CHLSN: variants seen among roughly 807,000 people sequenced by gnomAD.
The protein encoded by CHLSN is protein cholesin.
chr7:1,058,589 C>A, the CHLSN span: 2 of 669,616 alleles, frequency 3.0e-6, no homozygotes, highest in African/African-American at 1.8e-5. Context: ...ACGCTCCCCA[C>A]ATCCTTCCAG....
At chr7:1,134,705 A>G in the CHLSN span, among the ~76,000 whole-genome samples, 1 of 150,808 alleles carries the variant, frequency 6.6e-6, no homozygotes, top group Non-Finnish European at 1.5e-5. Flanking sequence ...CGTCTCTACT[A>G]AAAAATACAA....
At chr7:991,213 G>C in the CHLSN span, among the ~76,000 whole-genome samples, 4 of 152,092 alleles carry the variant, frequency 2.6e-5, no homozygotes, top group African/African-American at 7.2e-5. Context: ...AGTGACGGCT[G>C]AGCTTCCCCT....
At chr7:1,078,731 G>C in the CHLSN span, among the ~76,000 whole-genome samples, 4 of 152,236 alleles carry the variant, frequency 2.6e-5, no homozygotes, top group African/African-American at 7.2e-5. Context: ...AGAACTCATA[G>C]CCAGGCCATG....
the CHLSN span, among the ~76,000 whole-genome samples, chr7:1,079,522 T>TAAAATGATA: frequency 1.3e-3 from 197 of 152,290 alleles, no homozygotes; most frequent in African/African-American, 4.5e-3. Context: ...TATAACTACT[T>TAAAATGATA]ATCCATTAAA....
chr7:1,073,330 C>T, the CHLSN span, among the ~76,000 whole-genome samples: 1 of 152,138 alleles, frequency 6.6e-6, no homozygotes, highest in Non-Finnish European at 1.5e-5. Context: ...ACCTCCTCAC[C>T]GCATTCCACT....
the CHLSN span, among the ~76,000 whole-genome samples, chr7:1,007,547 G>A: frequency 1.3e-5 from 2 of 152,248 alleles, no homozygotes; most frequent in African/African-American, 2.4e-5. Flanking sequence ...GATGCGGCTG[G>A]GCTTGCGGGC....
the CHLSN span, among the ~76,000 whole-genome samples, chr7:1,017,134 C>G: frequency 8.5e-5 from 13 of 152,252 alleles, no homozygotes; most frequent in African/African-American, 2.7e-4. Context: ...GGGCCCAGAG[C>G]ACCTCAGGCT....
the CHLSN span, among the ~76,000 whole-genome samples, chr7:1,016,244 C>G: frequency 1.3e-5 from 1 of 74,604 alleles, no homozygotes; most frequent in Non-Finnish European, 2.4e-5. Context: ...CAGCAGCACA[C>G]AGCAGCGCAC....
the CHLSN span, chr7:1,093,807 C>T: frequency 2.0e-5 from 8 of 394,552 alleles, no homozygotes; most frequent in South Asian, 1.9e-5. Context: ...CTGTCATGTG[C>T]GGATCCTTCC....
chr7:1,131,177 T>C, the CHLSN span, among the ~76,000 whole-genome samples: 5 of 101,036 alleles, frequency 4.9e-5, no homozygotes, highest in African/African-American at 2.0e-4. Context: ...GGCAAAAGAA[T>C]GAGACCTTGT....
At chr7:1,010,202 C>T in the CHLSN span, 1 of 1,488,046 alleles carries the variant, frequency 6.7e-7, no homozygotes, top group South Asian at 1.3e-5. Flanking sequence ...GACGGGTGCG[C>T]TGCCTGGGGC....
the CHLSN span, among the ~76,000 whole-genome samples, chr7:1,057,267 C>G: frequency 3.9e-5 from 6 of 152,186 alleles, no homozygotes; most frequent in Non-Finnish European, 8.8e-5. Context: ...GGTCCCCAAC[C>G]CCAGCCGCTG....
At chr7:1,012,680 A>C in the CHLSN span, among the ~76,000 whole-genome samples, 1 of 152,152 alleles carries the variant, frequency 6.6e-6, no homozygotes, top group Non-Finnish European at 1.5e-5. Flanking sequence ...TGCACCTTTA[A>C]CTTTTCCAAA....
At chr7:983,343 G>C in the CHLSN span, 1 of 1,537,988 alleles carries the variant, frequency 6.5e-7, no homozygotes, top group South Asian at 1.2e-5. Context: ...TCGGGAACCT[G>C]CACTTGCTGC....
chr7:1,119,864 C>T, the CHLSN span, among the ~76,000 whole-genome samples: 54 of 128,940 alleles, frequency 4.2e-4, no homozygotes, highest in African/African-American at 1.7e-3. Flanking sequence ...GCAACAAGAG[C>T]GAAACTCCGT....
the CHLSN span, chr7:1,057,587 G>C: frequency 1.3e-6 from 1 of 771,916 alleles, no homozygotes; most frequent in African/African-American, 1.7e-5. Flanking sequence ...ACCTGCAGCT[G>C]GGGCTGTCAC....
the CHLSN span, chr7:1,029,132 CTTGT>C: frequency 1.3e-5 from 2 of 152,086 alleles, no homozygotes; most frequent in East Asian, 1.9e-4. Context: ...AGTTTTTTTG[CTTGT>C]TTGTTTTTGG....
At chr7:1,026,501 G>C in the CHLSN span, 1 of 152,228 alleles carries the variant, frequency 6.6e-6, no homozygotes, top group African/African-American at 2.4e-5. Context: ...AGTCGGAGGC[G>C]GCGTTGTTTC....
At chr7:993,977 G>A in the CHLSN span, among the ~76,000 whole-genome samples, 2 of 152,030 alleles carry the variant, frequency 1.3e-5, no homozygotes, top group South Asian at 2.1e-4. Context: ...GACGGTTTCC[G>A]GAAGCCGCAC....
Sources: allele counts gnomAD v4.1 joint callset (sites outside exome capture counted in the v4.1 genomes callset), GRCh38; gene constraint gnomAD v4.1.1; transcripts MANE v1.5; gene names NCBI Gene and HGNC (gene_info 2026-07-23, HGNC 2026-07-21).